PRRX1: variants seen among roughly 807,000 people sequenced by gnomAD.
PRRX1 encodes the protein paired mesoderm homeobox protein 1.
A neutral mutation model predicts 24.0 loss-of-function variants in PRRX1; 8 were observed. The ratio of observed to expected loss-of-function variants is 0.33; its 90% CI spans 0.20 to 0.60. PRRX1 has a LOEUF of 0.60. Ranked by LOEUF, PRRX1 falls within the 20% of genes least tolerant of loss-of-function variation. The pLI is 0.82. For missense variants in PRRX1, 281 were observed against 322.4 expected (o/e 0.87, Z 0.98); for synonymous variants, 160 against 131.7 (o/e 1.22, Z -1.47).
In PRRX1 at chr1:170,736,729, T is replaced by G; in HGVS notation, c.*543T>G. On this transcript the variant is annotated 3_prime_UTR_variant, in exon 4 of 4. Transcript: ENST00000239461. Reference sequence around the variant, plus strand: ...TGGACAGACATAATTCCCTTTCTCATTGTCTCCATCTTTGTTGGTCATGGT... The same window carrying G: ...TGGACAGACATAATTCCCTTTCTCAGTGTCTCCATCTTTGTTGGTCATGGT... 1 of 190,728 alleles carries G rather than the reference T, an allele frequency of 5.2e-6. No homozygotes were observed. The highest frequency in any genetic ancestry group is 1.1e-5 in the Non-Finnish European group (1 of 91,156). 11.8% of individuals were successfully genotyped at this position (190,728 alleles called of 1,614,324 possible). A position where few individuals can be genotyped will look rare whatever the true frequency, so the allele number is the denominator to read the frequency against.
chr1:170,715,553 T>C (rs1278966983), intron 1 of PRRX1, among the ~76,000 whole-genome samples: 1 of 152,206 alleles, frequency 6.6e-6, no homozygotes, highest in Non-Finnish European at 1.5e-5. Flanking sequence ...ATTTGAGATG[T>C]GTTTTAGGAA....
chr1:170,666,228 A>G (rs501005), intron 1 of PRRX1, among the ~76,000 whole-genome samples: 91,951 of 151,642 alleles, frequency 0.61, 28,988 homozygotes, highest in Middle Eastern at 0.82. Context: ...AGACCAGCCT[A>G]ACCAACGTGG....
intron 1 of PRRX1, among the ~76,000 whole-genome samples, chr1:170,719,443 A>C (rs750637987): frequency 6.6e-6 from 1 of 152,248 alleles, no homozygotes; most frequent in Non-Finnish European, 1.5e-5. Flanking sequence ...TTCCTTGACA[A>C]ACAGGCATCA....
chr1:170,666,089 G>A (rs1272865569), intron 1 of PRRX1, among the ~76,000 whole-genome samples: 1 of 152,182 alleles, frequency 6.6e-6, no homozygotes, highest in Admixed American at 6.5e-5. Flanking sequence ...TACTATGATT[G>A]TTTTTAAACG....
intron 1 of PRRX1, among the ~76,000 whole-genome samples, chr1:170,688,882 C>T (rs1422510317): frequency 6.6e-6 from 1 of 152,070 alleles, no homozygotes; most frequent in African/African-American, 2.4e-5. Flanking sequence ...TTTGTGCTGA[C>T]TCAAGTTCAA....
intron 1 of PRRX1, among the ~76,000 whole-genome samples, chr1:170,665,993 G>A (rs1652913093): frequency 6.6e-6 from 1 of 152,236 alleles, no homozygotes; most frequent in Non-Finnish European, 1.5e-5. Flanking sequence ...TTCTCTTTAG[G>A]GTTTGGGTGC....
At position 170,730,516 on chromosome 1, in the gene PRRX1, G is replaced by A. The variant is rs74555079; in HGVS notation, c.599+4115G>A. The A allele has an allele frequency of 4.4e-3, 2,735 of 616,986 alleles. 47 individuals are homozygous for A. Among genetic ancestry groups the A allele is most frequent in the African/African-American group, 0.044 (2,363 of 54,240 alleles). 38.2% of individuals were successfully genotyped at this position (616,986 alleles called of 1,614,324 possible). On this transcript the variant is annotated intron_variant, in intron 3 of 3. Transcript: ENST00000239461. ...CTGCAAGAAAGCATGTCCACTAAAT[G>A]AAGCATAGTGTGATACTAATCTAGA...
chr1:170,689,207 C>G (rs1198349023), intron 1 of PRRX1, among the ~76,000 whole-genome samples: 1 of 151,814 alleles, frequency 6.6e-6, no homozygotes, highest in Non-Finnish European at 1.5e-5. Context: ...TATGTTTACT[C>G]TCTATAAGCA....
At chr1:170,735,908 A>T in intron 3 of PRRX1, 140 bp from the exon 4 acceptor site, 1 of 1,135,318 alleles carries the variant, frequency 8.8e-7, no homozygotes, top group Non-Finnish European at 1.3e-6. Context: ...TGGGGCTGTA[A>T]GGGACCCTAG....
rs375121266 is a variant in PRRX1, at chr1:170,726,410, C to T, written c.599+9C>T. 6.2e-7 allele frequency: 1 copy of T among 1,612,860 alleles called. No individual in the cohort carries two copies. The highest frequency in any genetic ancestry group is 1.3e-5 in the African/African-American group (1 of 74,900). On this transcript the variant is annotated intron_variant, in intron 3 of 3. Transcript: ENST00000239461. ...ACAGCGTCTCCGTACAGGTGAATGA[C>T]TGGCCCACTCTCCCTTGCTCCACTT...
At chr1:170,692,000 G>A (rs1253336072) in intron 1 of PRRX1, among the ~76,000 whole-genome samples, 2 of 152,014 alleles carry the variant, frequency 1.3e-5, no homozygotes, top group Non-Finnish European at 2.9e-5. Context: ...AGTGCTATGA[G>A]GAATACAAAG....
At chr1:170,716,805 G>A (rs1654921389) in intron 1 of PRRX1, among the ~76,000 whole-genome samples, 1 of 152,114 alleles carries the variant, frequency 6.6e-6, no homozygotes. Context: ...TCTCTCCCCT[G>A]TATTCAACCA....
At chr1:170,695,069 A>G (rs1654121981) in intron 1 of PRRX1, among the ~76,000 whole-genome samples, 1 of 152,128 alleles carries the variant, frequency 6.6e-6, no homozygotes, top group Non-Finnish European at 1.5e-5. Flanking sequence ...CTCCTCAGTG[A>G]TGGTGGAGAT....
At chr1:170,679,784 G>A (rs1653448665) in intron 1 of PRRX1, among the ~76,000 whole-genome samples, 1 of 152,182 alleles carries the variant, frequency 6.6e-6, no homozygotes, top group Admixed American at 6.5e-5. Context: ...TGTCAAAGAA[G>A]TGGCAACTTA....
At position 170,725,120 on chromosome 1, in the gene PRRX1, A is replaced by T. The variant is rs565139175; in HGVS notation, c.418-1100A>T. Among the ~76,000 whole-genome samples the T allele has an allele frequency of 3.3e-5, 5 of 152,146 alleles. No individual in the cohort carries two copies. The East Asian group carries it at 9.7e-4, about 29-fold the overall frequency. On this transcript the variant is annotated intron_variant, in intron 2 of 3. Coordinates refer to ENST00000239461, the MANE Select transcript of PRRX1 (RefSeq NM_022716.4). ...GTATAGGAATACTTGTGATTTTTGC[A>T]TACTGATTTTGCACCCTGAGACTTT...
intron 1 of PRRX1, among the ~76,000 whole-genome samples, chr1:170,690,227 TG>T (rs1653893085): frequency 6.6e-6 from 1 of 151,890 alleles, no homozygotes; most frequent in Non-Finnish European, 1.5e-5. Context: ...GTGCCCCCTA[TG>T]AGCTTATAGT....
chr1:170,735,314 C>A (rs1655569325), intron 3 of PRRX1, among the ~76,000 whole-genome samples: 1 of 152,106 alleles, frequency 6.6e-6, no homozygotes. Context: ...CCTCTGAAAT[C>A]AAGAATGCTG....
chr1:170,701,055 C>T (rs1463719752), intron 1 of PRRX1, among the ~76,000 whole-genome samples: 1 of 152,172 alleles, frequency 6.6e-6, no homozygotes, highest in African/African-American at 2.4e-5. Context: ...GTAATACTGC[C>T]TTTATCACCC....
chr1:170,683,053 G>A (rs1207714095), intron 1 of PRRX1, among the ~76,000 whole-genome samples: 1 of 152,232 alleles, frequency 6.6e-6, no homozygotes, highest in Non-Finnish European at 1.5e-5. Flanking sequence ...GTAGGGGCTA[G>A]GTGACAGGGA....
Sources: gnomAD v4.1 joint callset for allele counts (sites outside exome capture counted in the v4.1 genomes callset) on GRCh38, gnomAD v4.1.1 for gene constraint, MANE v1.5 for transcripts, NCBI Gene and HGNC (gene_info 2026-07-23, HGNC 2026-07-21) for gene names.